The following DLG2 variants were observed in gnomAD, a reference collection of about 807,000 sequenced individuals.
DLG2 encodes the protein discs large MAGUK scaffold protein 2.
In DLG2, 45 loss-of-function variants were observed where a neutral mutation model predicts 132.5. The ratio of observed to expected loss-of-function variants is 0.34; its 90% CI spans 0.27 to 0.44. The LOEUF is 0.44. Among genes scored for constraint, DLG2 ranks in the 20% least tolerant of loss-of-function variants. The pLI is 1.00. For missense variants in DLG2, 1,045 were observed against 1,196.9 expected, an observed-to-expected ratio of 0.87 and a Z score of 1.87; for synonymous variants, 424 against 419.6, an observed-to-expected ratio of 1.01 and a Z score of -0.13.
At chr11:83,506,064 C>A (rs759496593) in intron 21 of DLG2, among the ~76,000 whole-genome samples, 1 of 152,190 alleles carries the variant, frequency 6.6e-6, no homozygotes, top group Non-Finnish European at 1.5e-5. Context: ...CTGCTGTGCA[C>A]GGCCCACTCT....
chr11:84,158,061 T>C (rs1247605247), intron 9 of DLG2, among the ~76,000 whole-genome samples: 5 of 150,850 alleles, frequency 3.3e-5, no homozygotes, highest in African/African-American at 1.2e-4. Context: ...ATTTGTGTTT[T>C]GTTTTTTTGG....
intron 16 of DLG2, among the ~76,000 whole-genome samples, chr11:83,856,364 G>A (rs2060534188): frequency 6.6e-6 from 1 of 151,978 alleles, no homozygotes; most frequent in Admixed American, 6.6e-5. Flanking sequence ...GGGATTGCTG[G>A]GTCAAATGGT....
intron 18 of DLG2, among the ~76,000 whole-genome samples, chr11:83,635,663 T>C (rs186311968): frequency 2.8e-4 from 43 of 152,210 alleles, no homozygotes; most frequent in Non-Finnish European, 5.7e-4. Context: ...TTAAGACTTT[T>C]CCCCCCTTTT....
intron 4 of DLG2, among the ~76,000 whole-genome samples, chr11:85,213,887 G>A (rs1338146497): frequency 6.6e-6 from 1 of 152,114 alleles, no homozygotes; most frequent in African/African-American, 2.4e-5. Context: ...AGGAACCTTA[G>A]ACAGAAGGTG....
chr11:85,073,385 C>A (rs2066127440), intron 6 of DLG2, among the ~76,000 whole-genome samples: 1 of 151,860 alleles, frequency 6.6e-6, no homozygotes, highest in African/African-American at 2.4e-5. Flanking sequence ...TTAACAAGTT[C>A]TTAACCTTTC....
chr11:84,856,531 T>C (rs931801654), intron 6 of DLG2, among the ~76,000 whole-genome samples: 1 of 152,138 alleles, frequency 6.6e-6, no homozygotes, highest in African/African-American at 2.4e-5. Context: ...CTGTCCTAAA[T>C]ATACCTTGAA....
chr11:85,091,875 G>C (rs912530336), intron 6 of DLG2, among the ~76,000 whole-genome samples: 1 of 151,976 alleles, frequency 6.6e-6, no homozygotes, highest in Non-Finnish European at 1.5e-5. Flanking sequence ...ATGAAGGTTG[G>C]AATCAATTTC....
At chr11:84,842,939 C>A (rs1463935106) in intron 6 of DLG2, among the ~76,000 whole-genome samples, 1 of 151,866 alleles carries the variant, frequency 6.6e-6, no homozygotes, top group Non-Finnish European at 1.5e-5. Flanking sequence ...GGCAAGGGCT[C>A]TGGAAAACAT....
Position 85,463,989 on chromosome 11 carries a change from T to TACACACACACACACACACACACAC in DLG2, c.40+134667_40+134668insGTGTGTGTGTGTGTGTGTGTGTGT, listed in dbSNP as rs374003945. Among the ~76,000 whole-genome samples the TACACACACACACACACACACACAC allele has an allele frequency of 1.4e-4, 19 of 139,412 alleles. No individual in the cohort carries two copies. The East Asian group carries it at 1.7e-3, about 13-fold the overall frequency. 91.5% of individuals were successfully genotyped at this position (139,412 alleles called of 152,430 possible). A position where few individuals can be genotyped will look rare whatever the true frequency, so the allele number is the denominator to read the frequency against. On this transcript the variant is annotated intron_variant, in intron 3 of 27. Coordinates refer to ENST00000376104, the MANE Select transcript of DLG2 (RefSeq NM_001142699.3). ...ATTATGCACCATATAGACATACATG[T>TACACACACACACACACACACACAC]ACACACACACACACATACACACACA... is the stretch of plus-strand genomic sequence containing the variant.
chr11:85,514,833 C>T (rs894376134), intron 3 of DLG2, among the ~76,000 whole-genome samples: 1 of 151,886 alleles, frequency 6.6e-6, no homozygotes, highest in Non-Finnish European at 1.5e-5. Flanking sequence ...GCAGAGGTTT[C>T]ATATTGGGCT....
chr11:84,852,965 T>C (rs773429966), intron 6 of DLG2, among the ~76,000 whole-genome samples: 2 of 152,014 alleles, frequency 1.3e-5, no homozygotes, highest in Non-Finnish European at 2.9e-5. Flanking sequence ...GTATAAAATA[T>C]TCAATTGAAA....
chr11:84,735,855 G>A (rs2063762436), intron 6 of DLG2, among the ~76,000 whole-genome samples: 2 of 151,844 alleles, frequency 1.3e-5, no homozygotes, highest in South Asian at 2.1e-4. Flanking sequence ...CACAGTCTGT[G>A]GTTTGTCTTT....
intron 7 of DLG2, among the ~76,000 whole-genome samples, chr11:84,336,153 G>A (rs1600137538): frequency 6.6e-6 from 1 of 152,228 alleles, no homozygotes; most frequent in Non-Finnish European, 1.5e-5. Context: ...TTCTCTGAGT[G>A]CACGCTTAGT....
chr11:83,864,569 T>C (rs558680971), intron 16 of DLG2, among the ~76,000 whole-genome samples: 23 of 152,198 alleles, frequency 1.5e-4, no homozygotes, highest in Non-Finnish European at 2.6e-4. Flanking sequence ...CAATAAAGGT[T>C]GCTGACTGAC....
chr11:84,817,254 T>C (rs566450805), intron 6 of DLG2, among the ~76,000 whole-genome samples: 1 of 152,110 alleles, frequency 6.6e-6, no homozygotes, highest in South Asian at 2.1e-4. Context: ...TTACTTTTTC[T>C]AGGCAGCTTC....
intron 6 of DLG2, among the ~76,000 whole-genome samples, chr11:84,714,553 C>CTTTCTCTCTCTTTCTCTT (rs397956960): frequency 2.1e-4 from 23 of 109,240 alleles, no homozygotes; most frequent in East Asian, 3.0e-4. Context: ...TTCTCTTTCT[C>CTTTCTCTCTCTTTCTCTT]TCTCTTTCTC....
At chr11:85,472,795 C>A (rs1237011715) in intron 3 of DLG2, among the ~76,000 whole-genome samples, 1 of 152,222 alleles carries the variant, frequency 6.6e-6, no homozygotes. Flanking sequence ...AAACAAGGTG[C>A]CAGGCCAGCC....
intron 4 of DLG2, among the ~76,000 whole-genome samples, chr11:85,255,130 C>T (rs2076603820): frequency 6.6e-6 from 1 of 152,080 alleles, no homozygotes; most frequent in Non-Finnish European, 1.5e-5. Flanking sequence ...GTCATCCACT[C>T]TAATCATTTA....
At chr11:83,933,242 T>C (rs982377884) in intron 14 of DLG2, among the ~76,000 whole-genome samples, 3 of 152,222 alleles carry the variant, frequency 2.0e-5, no homozygotes, top group Non-Finnish European at 2.9e-5. Context: ...CCAGTCATAA[T>C]TGAAAGGGCC....
Sources: gnomAD v4.1 joint callset for allele counts (sites outside exome capture counted in the v4.1 genomes callset) on GRCh38, gnomAD v4.1.1 for gene constraint, MANE v1.5 for transcripts, NCBI Gene and HGNC (gene_info 2026-07-23, HGNC 2026-07-21) for gene names.